The following CELF2 variants were observed in gnomAD, a reference collection of about 807,000 sequenced individuals.
CELF2 encodes the protein CUG triplet repeat RNA-binding protein 2.
A neutral mutation model predicts 62.6 loss-of-function variants in CELF2; 8 were observed. That is an observed-to-expected ratio of 0.13 (90% CI 0.07 to 0.23). CELF2 has a LOEUF of 0.23. Ranked by LOEUF, CELF2 falls within the 10% of genes least tolerant of loss-of-function variation. The pLI, the probability that CELF2 is intolerant of heterozygous loss-of-function variation, is 1.00. For synonymous variants in CELF2, 258 were observed against 250.0 expected (o/e 1.03, Z -0.30); for missense variants, 333 against 671.0 (o/e 0.50, Z 5.56).
At chr10:11,188,647 T>C (rs975158585) in intron 2 of CELF2, among the ~76,000 whole-genome samples, 2 of 152,196 alleles carry the variant, frequency 1.3e-5, no homozygotes, top group Non-Finnish European at 2.9e-5. Flanking sequence ...TTGGAGTTCA[T>C]TGAGATTTTT....
intron 9 of CELF2, among the ~76,000 whole-genome samples, chr10:11,304,760 A>T (rs2094068573): frequency 6.6e-6 from 1 of 152,238 alleles, no homozygotes; most frequent in Admixed American, 6.5e-5. Context: ...AAAGTTTCCA[A>T]CATATGGAAT....
intron 1 of CELF2, among the ~76,000 whole-genome samples, chr10:10,829,141 A>C (rs76715810): frequency 5.3e-5 from 8 of 152,220 alleles, no homozygotes; most frequent in Admixed American, 4.6e-4. Context: ...TCTTCTCACC[A>C]TAGTTATCTT....
At chr10:11,259,614 G>A (rs2079872596) in intron 5 of CELF2, among the ~76,000 whole-genome samples, 4 of 152,132 alleles carry the variant, frequency 2.6e-5, no homozygotes. Context: ...TTTCACCTGT[G>A]CCATCGTCAG....
the CELF2 span, among the ~76,000 whole-genome samples, chr10:10,608,582 T>A: frequency 1.3e-5 from 2 of 151,986 alleles, no homozygotes. Flanking sequence ...TAAAACTCAA[T>A]CCAGGTTGAA....
chr10:10,671,872 G>T, the CELF2 span, among the ~76,000 whole-genome samples: 1 of 152,084 alleles, frequency 6.6e-6, no homozygotes, highest in Admixed American at 6.5e-5. Context: ...TGGGATTACA[G>T]GCATACGCTG....
chr10:11,182,879 GT>G (rs1481594598), intron 2 of CELF2, among the ~76,000 whole-genome samples: 1 of 152,152 alleles, frequency 6.6e-6, no homozygotes, highest in Admixed American at 6.5e-5. Context: ...GTGAACTTGA[GT>G]TTTTTAATGT....
the CELF2 span, among the ~76,000 whole-genome samples, chr10:10,643,308 CA>C: frequency 1.3e-5 from 2 of 152,066 alleles, no homozygotes; most frequent in East Asian, 3.9e-4. Flanking sequence ...ATAGTTGAAT[CA>C]GGGAGACAAG....
the CELF2 span, among the ~76,000 whole-genome samples, chr10:10,722,075 G>A: frequency 6.6e-6 from 1 of 152,330 alleles, no homozygotes; most frequent in South Asian, 2.1e-4. Context: ...GGCTAAGGCA[G>A]GAGGATTGCT....
At chr10:11,286,850 G>T (rs2091442243) in intron 8 of CELF2, among the ~76,000 whole-genome samples, 2 of 152,196 alleles carry the variant, frequency 1.3e-5, no homozygotes, top group Admixed American at 1.3e-4. Context: ...TGAAAAGCAG[G>T]TGCTTGGCTT....
intron 3 of CELF2, among the ~76,000 whole-genome samples, chr10:11,234,613 C>G (rs1236795841): frequency 1.5e-5 from 2 of 132,922 alleles, no homozygotes; most frequent in African/African-American, 5.7e-5. Flanking sequence ...ACCCGGGGGG[C>G]GGAGCCTGCA....
At chr10:11,272,286 A>G (rs1171924948) in intron 7 of CELF2, among the ~76,000 whole-genome samples, 1 of 152,256 alleles carries the variant, frequency 6.6e-6, no homozygotes, top group Admixed American at 6.5e-5. Flanking sequence ...TTGCTCTGCT[A>G]TTATTTTCTT....
At chr10:10,973,577 C>G (rs1420502180) in intron 2 of CELF2, among the ~76,000 whole-genome samples, 1 of 152,078 alleles carries the variant, frequency 6.6e-6, no homozygotes. Flanking sequence ...TAATACACAA[C>G]AGCATGACCC....
intron 3 of CELF2, among the ~76,000 whole-genome samples, chr10:11,239,396 G>T (rs144446583): frequency 1.6e-4 from 25 of 152,212 alleles, no homozygotes; most frequent in African/African-American, 5.5e-4. Flanking sequence ...GAGCACTGCT[G>T]GCTGTATATA....
At chr10:11,263,254 C>T (rs2081253943) in intron 5 of CELF2, among the ~76,000 whole-genome samples, 1 of 151,940 alleles carries the variant, frequency 6.6e-6, no homozygotes, top group South Asian at 2.1e-4. Context: ...CAATTCGTAA[C>T]ATTCTGAAAG....
intron 1 of CELF2, among the ~76,000 whole-genome samples, chr10:11,108,146 G>T (rs1225624680): frequency 8.4e-6 from 1 of 118,898 alleles, no homozygotes; most frequent in East Asian, 3.2e-4. Flanking sequence ...GTGCTGATTG[G>T]CAGAATTCTC....
chr10:10,791,131 C>T, the CELF2 span, among the ~76,000 whole-genome samples: 1 of 152,120 alleles, frequency 6.6e-6, no homozygotes, highest in African/African-American at 2.4e-5. Flanking sequence ...TCAGATCTTT[C>T]TACTTACAAC....
At chr10:10,873,834 C>G (rs190030101) in intron 1 of CELF2, among the ~76,000 whole-genome samples, 17 of 152,300 alleles carry the variant, frequency 1.1e-4, no homozygotes, top group Admixed American at 2.0e-4. Flanking sequence ...ACCCCTTTGT[C>G]CAGCCTTCTT....
chr10:11,123,719 C>A (rs937293612), intron 1 of CELF2, among the ~76,000 whole-genome samples: 1 of 152,214 alleles, frequency 6.6e-6, no homozygotes, highest in African/African-American at 2.4e-5. Flanking sequence ...GTGGCCATTA[C>A]TTCTCTAGTG....
the CELF2 span, among the ~76,000 whole-genome samples, chr10:10,691,578 C>T: frequency 6.6e-6 from 1 of 152,162 alleles, no homozygotes; most frequent in East Asian, 1.9e-4. Flanking sequence ...TGAGGAATCA[C>T]CACACTGACT....
Sources: allele counts gnomAD v4.1 joint callset (sites outside exome capture counted in the v4.1 genomes callset), GRCh38; gene constraint gnomAD v4.1.1; transcripts MANE v1.5; gene names NCBI Gene and HGNC (gene_info 2026-07-23, HGNC 2026-07-21).